The following B3GALT1 variants were observed in gnomAD, a reference collection of about 807,000 sequenced individuals.
B3GALT1 encodes UDP-Gal:betaGlcNAc beta 1,3-galactosyltransferase, polypeptide 1.
B3GALT1 carries 10 observed loss-of-function variants against 23.2 expected under a neutral mutation model. The ratio of observed to expected loss-of-function variants is 0.43; its 90% CI spans 0.27 to 0.73. The LOEUF (loss-of-function observed/expected upper bound fraction) is 0.73. Among genes scored for constraint, B3GALT1 ranks in the 30% least tolerant of loss-of-function variants. The pLI is 0.21. For synonymous variants in B3GALT1, 156 were observed against 141.5 expected, an observed-to-expected ratio of 1.10 and a Z score of -0.73; for missense variants, 299 against 405.4, an observed-to-expected ratio of 0.74 and a Z score of 2.25.
chr2:167,304,104 G>T (rs938794021), intron 1 of B3GALT1, among the ~76,000 whole-genome samples: 5 of 152,086 alleles, frequency 3.3e-5, no homozygotes, highest in African/African-American at 9.7e-5. Context: ...ACTCTGAAAG[G>T]CTGGAAGTTG....
intron 3 of B3GALT1, among the ~76,000 whole-genome samples, chr2:167,757,023 T>C (rs1238642068): frequency 6.6e-6 from 1 of 152,146 alleles, no homozygotes; most frequent in African/African-American, 2.4e-5. Flanking sequence ...TTCTCAACCA[T>C]TTTGTTTGGG....
chr2:167,508,840 A>G (rs1271079762), intron 2 of B3GALT1, among the ~76,000 whole-genome samples: 1 of 152,226 alleles, frequency 6.6e-6, no homozygotes, highest in Admixed American at 6.5e-5. Context: ...TCTGTACACC[A>G]AGTACACCAA....
At chr2:167,719,343 AC>A (rs1251189699) in intron 3 of B3GALT1, among the ~76,000 whole-genome samples, 5 of 152,216 alleles carry the variant, frequency 3.3e-5, no homozygotes, top group African/African-American at 1.2e-4. Context: ...ATAATGCTTG[AC>A]GTACAGGCAG....
chr2:167,668,374 T>G (rs1044618207), intron 3 of B3GALT1, among the ~76,000 whole-genome samples: 10 of 152,138 alleles, frequency 6.6e-5, no homozygotes, highest in African/African-American at 2.4e-4. Flanking sequence ...CAGGGACATT[T>G]AAGTCTGCAG....
rs761536048 is a variant in B3GALT1 at position 167,512,578 on chromosome 2, A to ATG, written c.-410+22303_-410+22304dup. ...TATGTATATATATATGTATATATATATGTATATATATATGTGTATATATAT... is the reference window on the plus strand; with the variant it reads ...TATGTATATATATATGTATATATATATGTGTATATATATATGTGTATATATAT... On this transcript the variant is annotated intron_variant, in intron 2 of 4. Coordinates refer to ENST00000392690, the MANE Select transcript of B3GALT1 (RefSeq NM_020981.4). Among the ~76,000 whole-genome samples, 313 of 92,344 alleles carry ATG rather than the reference A, an allele frequency of 3.4e-3. 11 individuals are homozygous for ATG. Among genetic ancestry groups the ATG allele is most frequent in the African/African-American group, 0.014 (302 of 21,346 alleles). 60.6% of individuals were successfully genotyped at this position (92,344 alleles called of 152,430 possible).
chr2:167,497,640 A>G lies in B3GALT1; in HGVS notation c.-410+7363A>G, dbSNP rs111941632. ...AGCTAAAGAACCTGAGGGAGATTGG[A>G]GAAGTCAGCAAAACCAGGATTGTGC... On this transcript the variant is annotated intron_variant, in intron 2 of 4. Transcript: ENST00000392690. Among the ~76,000 whole-genome samples the G allele has an allele frequency of 2.6e-5, 4 of 152,204 alleles. 1 individual carries two copies. Among genetic ancestry groups the G allele is most frequent in the African/African-American group, 9.6e-5 (4 of 41,544 alleles).
chr2:167,334,161 T>G (rs1186037205), intron 1 of B3GALT1, among the ~76,000 whole-genome samples: 1 of 152,142 alleles, frequency 6.6e-6, no homozygotes, highest in Non-Finnish European at 1.5e-5. Flanking sequence ...TTTAGTTAAT[T>G]ATAATAATTA....
intron 3 of B3GALT1, among the ~76,000 whole-genome samples, chr2:167,692,638 T>C (rs936860539): frequency 3.3e-5 from 5 of 152,102 alleles, no homozygotes; most frequent in Non-Finnish European, 7.4e-5. Flanking sequence ...TATGTCTTTC[T>C]TTGCACTTAA....
intron 1 of B3GALT1, among the ~76,000 whole-genome samples, chr2:167,304,736 T>A (rs1264176741): frequency 6.6e-6 from 1 of 151,938 alleles, no homozygotes; most frequent in Non-Finnish European, 1.5e-5. Flanking sequence ...AGAGAGAGAT[T>A]CTAAGAATTG....
intron 4 of B3GALT1, among the ~76,000 whole-genome samples, 44 bp downstream of exon 4, chr2:167,818,837 T>C (rs938921155): frequency 6.6e-6 from 1 of 152,182 alleles, no homozygotes; most frequent in South Asian, 2.1e-4. Context: ...TTCTCAGTTA[T>C]GCAGCCCAGC....
chr2:167,702,600 A>G (rs1459282535), intron 3 of B3GALT1, among the ~76,000 whole-genome samples: 1 of 152,236 alleles, frequency 6.6e-6, no homozygotes, highest in African/African-American at 2.4e-5. Context: ...TTATGTGATG[A>G]TTACATGATG....
chr2:167,550,301 T>A (rs1340749781), intron 2 of B3GALT1, among the ~76,000 whole-genome samples: 1 of 152,184 alleles, frequency 6.6e-6, no homozygotes, highest in East Asian at 1.9e-4. Context: ...GTGAGGGAAG[T>A]GGTGGAGTTT....
chr2:167,711,330 A>T (rs1326303410), intron 3 of B3GALT1, among the ~76,000 whole-genome samples: 2 of 152,082 alleles, frequency 1.3e-5, no homozygotes, highest in African/African-American at 4.8e-5. Context: ...TGCTTTATTT[A>T]CTTGTTTGGT....
intron 1 of B3GALT1, among the ~76,000 whole-genome samples, chr2:167,296,517 C>T (rs1379197755): frequency 2.6e-5 from 4 of 152,152 alleles, no homozygotes; most frequent in Non-Finnish European, 4.4e-5. Flanking sequence ...CACAAAAACA[C>T]ATGCATACTA....
intron 2 of B3GALT1, among the ~76,000 whole-genome samples, chr2:167,617,545 C>T (rs1002277173): frequency 6.6e-5 from 10 of 152,148 alleles, no homozygotes; most frequent in Admixed American, 4.6e-4. Flanking sequence ...CAAGCAGTGT[C>T]TGCCATAGAA....
rs1690316580 is a variant in B3GALT1 at position 167,870,254 on chromosome 2, A to G, written c.*234A>G. 2 of 402,036 alleles carry G rather than the reference A, an allele frequency of 5.0e-6. No homozygotes were observed. The highest frequency in any genetic ancestry group is 7.7e-5 in the East Asian group (2 of 25,962). 24.9% of individuals were successfully genotyped at this position (402,036 alleles called of 1,614,324 possible). A position where few individuals can be genotyped will look rare whatever the true frequency, so the allele number is the denominator to read the frequency against. On this transcript the variant is annotated 3_prime_UTR_variant, in exon 5 of 5. Coordinates refer to ENST00000392690, the MANE Select transcript of B3GALT1 (RefSeq NM_020981.4). ...TCATTCTCAGTCCCAGAGCATTGCT[A>G]TTTATCTCAAAAAGTGACTTCCAAA...
At chr2:167,317,656 A>G (rs1300771405) in intron 1 of B3GALT1, among the ~76,000 whole-genome samples, 6 of 152,160 alleles carry the variant, frequency 3.9e-5, no homozygotes, top group Admixed American at 2.6e-4. Context: ...CAAAAGTCAG[A>G]TAATTAAGAA....
chr2:167,549,060 C>A (rs961326684), intron 2 of B3GALT1, among the ~76,000 whole-genome samples: 3 of 152,090 alleles, frequency 2.0e-5, no homozygotes, highest in Admixed American at 6.6e-5. Flanking sequence ...TCCTTGAAAC[C>A]AAAGTCCAAT....
intron 4 of B3GALT1, among the ~76,000 whole-genome samples, chr2:167,830,202 C>T (rs1393008407): frequency 6.6e-6 from 1 of 152,014 alleles, no homozygotes; most frequent in Non-Finnish European, 1.5e-5. Flanking sequence ...TCTCTGCAGC[C>T]CTCAACACTT....
Sources: gnomAD v4.1 joint callset for allele counts (sites outside exome capture counted in the v4.1 genomes callset) on GRCh38, gnomAD v4.1.1 for gene constraint, MANE v1.5 for transcripts, NCBI Gene and HGNC (gene_info 2026-07-23, HGNC 2026-07-21) for gene names.